The following EPC1 variants were observed in gnomAD, a reference collection of about 807,000 sequenced individuals.
The protein encoded by EPC1 is enhancer of polycomb homolog 1.
In EPC1, 12 loss-of-function variants were observed where a neutral mutation model predicts 98.4. That is an observed-to-expected ratio of 0.12 (90% confidence interval 0.08 to 0.20). The LOEUF (loss-of-function observed/expected upper bound fraction) is 0.20, where lower values mean the gene tolerates loss of function less well. EPC1 is among the 10% of genes least tolerant of loss of function. The probability of loss-of-function intolerance (pLI) is 1.00; values close to 1 mark genes in which losing one functional copy is unlikely to be tolerated. For synonymous variants in EPC1, 357 were observed against 363.9 expected (o/e 0.98, Z 0.21); for missense variants, 729 against 990.5 (o/e 0.74, Z 3.54).
At position 32,284,836 on chromosome 10, in the gene EPC1, G is replaced by C; in HGVS notation, c.1606C>G (p.Leu536Val). Reference sequence around the variant, plus strand: ...AGTTCATCATTGTCACTGTCATGTAGGGATGGTGTCCGAGGCCTAAAATGC... The same window carrying C: ...AGTTCATCATTGTCACTGTCATGTACGGATGGTGTCCGAGGCCTAAAATGC... ...WRHFRPRTPSLHDSDNDELSC... is the reference protein window; with the variant it reads ...WRHFRPRTPSVHDSDNDELSC... The change falls in exon 10 of 14, where the codon CTA (leucine) becomes GTA (valine). Residue 536 changes from leucine (L) to valine (V), a missense_variant. Physicochemically the swap from Leu to Val is conservative, Grantham distance 32. Around this residue, in one of 6 missense-constraint regions of EPC1, gnomAD observed 390 missense variants for 438.6 expected, o/e 0.89. Coordinates refer to ENST00000319778, the MANE Select transcript of EPC1 (RefSeq NM_001272004.3). 1 of 1,614,198 alleles carries C rather than the reference G, an allele frequency of 6.2e-7. No homozygotes were observed. The highest frequency in any genetic ancestry group is 8.5e-7 in the Non-Finnish European group (1 of 1,180,028).
rs765845646 is a variant in EPC1 at position 32,287,249 on chromosome 10, G to A, written c.1001C>T (p.Pro334Leu). The change falls in exon 7 of 14, where the codon CCG becomes CTG. Residue 334 changes from proline to leucine, a missense_variant. Pro to Leu is a moderately conservative substitution (Grantham distance 98, BLOSUM62 -3). Transcript: ENST00000319778. ...GGGCTTCTTTTCATATTTCCGTTTC[G>A]GTCGGATAAGATCGGCTTTATCTTG... is the stretch of plus-strand genomic sequence containing the variant. ...NKQDKADLIRPKRKYEKKPKV... is the reference protein window; with the variant it reads ...NKQDKADLIRLKRKYEKKPKV... 1.2e-5 allele frequency: 20 copies of A among 1,613,984 alleles called. No homozygotes were observed. Among genetic ancestry groups the A allele is most frequent in the Non-Finnish European group, 1.6e-5 (19 of 1,180,010 alleles).
chr10:32,359,079 T>C (rs1839366420), intron 1 of EPC1, among the ~76,000 whole-genome samples: 1 of 152,210 alleles, frequency 6.6e-6, no homozygotes, highest in African/African-American at 2.4e-5. Context: ...CTGTACACTG[T>C]TAATTATTAC....
chr10:32,365,090 G>A lies in EPC1; in HGVS notation c.3+13401C>T, dbSNP rs138041622. ...TTCTGGAAGACATGCCCTAGGGAACGTAACTTCAATCCCTGAGTCAGAGAG... is the reference window on the plus strand; with the variant it reads ...TTCTGGAAGACATGCCCTAGGGAACATAACTTCAATCCCTGAGTCAGAGAG... On this transcript the variant is annotated intron_variant, in intron 1 of 13. Transcript: ENST00000375110. Among the ~76,000 whole-genome samples, 1,401 of 152,192 alleles carry A rather than the reference G, an allele frequency of 9.2e-3. 18 individuals carry two copies. The highest frequency in any genetic ancestry group is 0.032 in the African/African-American group (1,338 of 41,522).
intron 1 of EPC1, among the ~76,000 whole-genome samples, chr10:32,310,630 C>A (rs568725931): frequency 2.3e-4 from 35 of 152,304 alleles, no homozygotes; most frequent in Middle Eastern, 3.4e-3. Context: ...CAAAATATTT[C>A]ACACAGGCCA....
intron 1 of EPC1, among the ~76,000 whole-genome samples, chr10:32,329,719 T>C (rs1411397768): frequency 1.3e-5 from 2 of 152,184 alleles, no homozygotes; most frequent in Non-Finnish European, 2.9e-5. Flanking sequence ...AATCCAGTCA[T>C]TTATTAAAAA....
At chr10:32,307,226 A>C (rs186485400) in intron 1 of EPC1, among the ~76,000 whole-genome samples, 83 of 152,320 alleles carry the variant, frequency 5.4e-4, no homozygotes, top group African/African-American at 1.9e-3. Context: ...AAACTCTGGC[A>C]ACAACCTAAA....
chr10:32,336,854 G>C (rs980930701), intron 1 of EPC1, among the ~76,000 whole-genome samples: 2 of 152,218 alleles, frequency 1.3e-5, no homozygotes, highest in African/African-American at 4.8e-5. Flanking sequence ...GAGTAGGAGA[G>C]AGGATGGGAT....
chr10:32,367,181 A>G (rs1839626010), intron 1 of EPC1, among the ~76,000 whole-genome samples: 1 of 151,986 alleles, frequency 6.6e-6, no homozygotes, highest in Non-Finnish European at 1.5e-5. Context: ...TTTTTAGTAG[A>G]GGTATTGCCA....
In EPC1 at chr10:32,293,669, G is replaced by A. The variant is rs760283207; in HGVS notation, c.382C>T (p.Leu128=). The A allele has an allele frequency of 3.2e-5, 51 of 1,613,396 alleles. No individual in the cohort carries two copies. The highest frequency in any genetic ancestry group is 4.2e-5 in the Non-Finnish European group (49 of 1,179,774). ...DSEDEVFVNK[L]KKKMDICPLQ... is the part of the protein sequence containing the mutation. Reference sequence around the variant, plus strand: ...GGGCAGATGTCCATTTTCTTTTTCAGTTTATTCACAAATACTTCATCTTCA... The same window carrying A: ...GGGCAGATGTCCATTTTCTTTTTCAATTTATTCACAAATACTTCATCTTCA... Residue 128 remains leucine, a synonymous_variant, in exon 3 of 14, where the codon CTG becomes TTG. Transcript: ENST00000319778.
chr10:32,355,607 CT>C (rs542748610), intron 1 of EPC1, among the ~76,000 whole-genome samples: 19 of 72,858 alleles, frequency 2.6e-4, no homozygotes, highest in South Asian at 9.0e-4. Flanking sequence ...GTGCCTTACC[CT>C]TTTTTTTTTT....
At chr10:32,324,293 C>T (rs1592597846) in intron 1 of EPC1, among the ~76,000 whole-genome samples, 1 of 151,378 alleles carries the variant, frequency 6.6e-6, no homozygotes, top group Non-Finnish European at 1.5e-5. Context: ...ATGTGGTTCA[C>T]GCCTGTAATC....
chr10:32,324,720 G>A (rs1041647786), intron 1 of EPC1, among the ~76,000 whole-genome samples: 15 of 151,990 alleles, frequency 9.9e-5, no homozygotes, highest in African/African-American at 3.4e-4. Flanking sequence ...TTAGCCGGGC[G>A]CGGTGGCTCA....
rs1839228315 is a variant in EPC1 at position 32,354,962 on chromosome 10, G to A, written c.3+23529C>T. Among the ~76,000 whole-genome samples, 5 of 152,108 alleles carry A rather than the reference G, an allele frequency of 3.3e-5. No homozygotes were observed. In the South Asian group the frequency reaches 1.0e-3, roughly 32 times the overall value. On this transcript the variant is annotated intron_variant, in intron 1 of 13. Transcript: ENST00000375110. ...GTCTAGTTGCAGGAAAACAAGCTCAGGGCTCCCACTGATTCTACATTATGG... is the reference window on the plus strand; with the variant it reads ...GTCTAGTTGCAGGAAAACAAGCTCAAGGCTCCCACTGATTCTACATTATGG...
At chr10:32,372,965 A>C (rs540377148) in intron 1 of EPC1, among the ~76,000 whole-genome samples, 138 of 152,364 alleles carry the variant, frequency 9.1e-4, no homozygotes, top group Middle Eastern at 3.4e-3. Flanking sequence ...CGGAGGTTGC[A>C]ATGAGCTGAG....
At chr10:32,368,557 G>GTTTTT (rs1839664653) in intron 1 of EPC1, among the ~76,000 whole-genome samples, 1 of 151,942 alleles carries the variant, frequency 6.6e-6, no homozygotes, top group Non-Finnish European at 1.5e-5. Flanking sequence ...GTTTTGTTTT[G>GTTTTT]GTTTGGTTTT....
intron 1 of EPC1, among the ~76,000 whole-genome samples, chr10:32,346,021 T>G (rs1406390672): frequency 1.3e-5 from 2 of 152,204 alleles, no homozygotes; most frequent in Non-Finnish European, 2.9e-5. Context: ...TAGTGGTTTA[T>G]TATCCTCCGA....
At chr10:32,345,118 CACAAGT>C (rs1235716500) in intron 1 of EPC1, 1 of 967,428 alleles carries the variant, frequency 1.0e-6, no homozygotes, top group Non-Finnish European at 1.2e-6. Flanking sequence ...ATTCTGCAGT[CACAAGT>C]ACTTTAATTT....
At position 32,305,831 on chromosome 10, in the gene EPC1, T is replaced by C. The variant is rs1451772499; in HGVS notation, c.254A>G (p.Tyr85Cys). 1.9e-6 allele frequency: 3 copies of C among 1,612,914 alleles called. No individual in the cohort carries two copies. In the African/African-American group the frequency reaches 4.0e-5, roughly 22 times the overall value. ...PVPEAESNIAYYESIYPGEFK... is the reference protein window; with the variant it reads ...PVPEAESNIACYESIYPGEFK... ...TTCCCCAGGATATATAGACTCATAG[T>C]AAGCAATATTACTTTCTGCCTCTGG... The change falls in exon 2 of 14, where the codon TAC becomes TGC. Residue 85 changes from tyrosine (Y) to cysteine (C), a missense_variant. Around this residue, in one of 6 missense-constraint regions of EPC1, gnomAD observed 46 missense variants for 119.7 expected, o/e 0.38. Coordinates refer to ENST00000319778, the MANE Select transcript of EPC1 (RefSeq NM_001272004.3).
chr10:32,277,580 G>C (rs1435148003), intron 10 of EPC1, among the ~76,000 whole-genome samples: 2 of 151,778 alleles, frequency 1.3e-5, no homozygotes, highest in Non-Finnish European at 2.9e-5. Context: ...TTTTTTTTGA[G>C]ACAGGGTCTC....
Sources: allele counts gnomAD v4.1 joint callset (sites outside exome capture counted in the v4.1 genomes callset), GRCh38; gene constraint gnomAD v4.1.1; regional missense constraint gnomAD v4.1.1; transcripts MANE v1.5; gene names NCBI Gene and HGNC (gene_info 2026-07-23, HGNC 2026-07-21).